LRRC45: variants seen among roughly 807,000 people sequenced by gnomAD.
LRRC45 encodes leucine-rich repeat-containing protein 45.
In LRRC45, 73 loss-of-function variants were observed where a neutral mutation model predicts 85.4. The observed-to-expected ratio is 0.85, with a 90% CI of 0.71 to 1.04. The LOEUF (loss-of-function observed/expected upper bound fraction) is 1.04, where lower values mean the gene tolerates loss of function less well. Among genes scored for constraint, LRRC45 ranks in the 50% least tolerant of loss-of-function variants. LRRC45 has a pLI of 0.00. For missense variants in LRRC45, 937 were observed against 883.3 expected (o/e 1.06, Z -0.77); for synonymous variants, 429 against 386.0 (o/e 1.11, Z -1.31).
chr17:82,024,888 G>A (rs1374094328), intron 3 of LRRC45, 112 bp from the exon 4 acceptor site: 3 of 1,438,966 alleles, frequency 2.1e-6, no homozygotes, highest in Admixed American at 5.6e-5. Flanking sequence ...GTTGGCAGGG[G>A]TAGGCAGAGG....
intron 5 of LRRC45, 180 bp from the exon 6 acceptor site, chr17:82,026,719 C>T (rs2043371116): frequency 2.1e-6 from 1 of 465,480 alleles, no homozygotes. Flanking sequence ...CCTGGGATTA[C>T]AGGTGTGCGC....
intron 10 of LRRC45, 23 bp downstream of exon 10, chr17:82,028,334 G>A (rs2043386783): frequency 1.2e-6 from 2 of 1,603,106 alleles, no homozygotes; most frequent in Non-Finnish European, 1.7e-6. Context: ...GATGGAGCCA[G>A]GGAGCCCAGG....
At chr17:82,027,486 T>C (rs1253744192) in intron 7 of LRRC45, 42 bp downstream of exon 7, 1 of 1,611,532 alleles carries the variant, frequency 6.2e-7, no homozygotes, top group Non-Finnish European at 8.5e-7. Context: ...GCTTCAGGGA[T>C]CAGGTCCTGG....
chr17:82,030,533 G>T (rs2043409675), intron 16 of LRRC45, 67 bp downstream of exon 16: 9 of 1,510,474 alleles, frequency 6.0e-6, no homozygotes, highest in Non-Finnish European at 8.0e-6. Context: ...GAGCGGGGCT[G>T]GCCAGGTCTC....
In LRRC45 at chr17:82,023,560, G is replaced by A. The variant is rs989021914; in HGVS notation, c.-84G>A. ...GGCGGAGGCCCCGTCTCCTGTACCC[G>A]GCGCTGGGACTGCTCCGCACCGCGC... is the stretch of plus-strand genomic sequence containing the variant. On this transcript the variant is annotated 5_prime_UTR_variant, in exon 1 of 17. Coordinates refer to ENST00000306688, the MANE Select transcript of LRRC45 (RefSeq NM_144999.4). The A allele has an allele frequency of 7.9e-7, 1 of 1,271,730 alleles. No homozygotes were observed. Among genetic ancestry groups the A allele is most frequent in the Admixed American group, 2.9e-5 (1 of 34,856 alleles). 78.8% of individuals were successfully genotyped at this position (1,271,730 alleles called of 1,614,324 possible).
intron 7 of LRRC45, 69 bp from the exon 8 acceptor site, chr17:82,027,605 C>T (rs185707563): frequency 1.1e-5 from 17 of 1,549,288 alleles, no homozygotes; most frequent in Middle Eastern, 1.7e-4. Context: ...CAGCAGCTAC[C>T]GAGGCCAGAG....
chr17:82,030,609 T>G lies in LRRC45; in HGVS notation c.1817T>G (p.Val606Gly). The change falls in exon 17 of 17, where the codon GTG (valine) becomes GGG (glycine). Residue 606 changes from valine (V) to glycine (G), a missense_variant and splice_region_variant. Val to Gly is a moderately radical substitution (Grantham distance 109). Coordinates refer to ENST00000306688, the MANE Select transcript of LRRC45 (RefSeq NM_144999.4). ...KAAALERQLK[V>G]MASDHREALL... ...GCTCACTGCGCTCCTTGCCCTGCAGTGATGGCGAGCGACCACCGAGAGGCG... is the reference window on the plus strand; with the variant it reads ...GCTCACTGCGCTCCTTGCCCTGCAGGGATGGCGAGCGACCACCGAGAGGCG... 1 of 1,291,712 alleles carries G rather than the reference T, an allele frequency of 7.7e-7. No individual in the cohort carries two copies. The highest frequency in any genetic ancestry group is 9.7e-7 in the Non-Finnish European group (1 of 1,027,250). 80.0% of individuals were successfully genotyped at this position (1,291,712 alleles called of 1,614,324 possible).
chr17:82,029,132 G>A lies in LRRC45; in HGVS notation c.1348G>A (p.Ala450Thr). The change falls in exon 13 of 17, where the codon GCC becomes ACC. Residue 450 changes from alanine to threonine, a missense_variant. Coordinates refer to ENST00000306688, the MANE Select transcript of LRRC45 (RefSeq NM_144999.4). ...CCGTCACCTGGAGGAGAGTGAGAAGGCCATGCAGGAGCGGGTGCAGAGGCT... is the reference window on the plus strand; with the variant it reads ...CCGTCACCTGGAGGAGAGTGAGAAGACCATGCAGGAGCGGGTGCAGAGGCT... ...MTRHLEESEK[A>T]MQERVQRLEA... The A allele has an allele frequency of 2.5e-6, 4 of 1,612,698 alleles. No homozygotes were observed. Among genetic ancestry groups the A allele is most frequent in the East Asian group, 2.2e-5 (1 of 44,876 alleles).
In LRRC45 at chr17:82,030,391, G is replaced by C; in HGVS notation, c.1741G>C (p.Gly581Arg). The part of the protein sequence containing the change: ...RVRVELQEQN[G>R]RLQAELAAQE... The stretch of plus-strand genomic sequence containing the variant: ...GCGCGTGGAGCTGCAGGAGCAGAAC[G>C]GCCGGCTGCAGGCGGAGCTGGCGGC... Residue 581 changes from glycine (G) to arginine (R), a missense_variant, in exon 16 of 17, where the codon GGC (glycine) becomes CGC (arginine). Coordinates refer to ENST00000306688, the MANE Select transcript of LRRC45 (RefSeq NM_144999.4). 6.5e-7 allele frequency: 1 copy of C among 1,549,934 alleles called. No homozygotes were observed. Among genetic ancestry groups the C allele is most frequent in the African/African-American group, 1.4e-5 (1 of 73,234 alleles).
intron 12 of LRRC45, 66 bp downstream of exon 12, chr17:82,028,749 A>C: frequency 6.6e-7 from 1 of 1,511,846 alleles, no homozygotes; most frequent in Non-Finnish European, 9.0e-7. Context: ...GGTGTCCCCA[A>C]AGCACACACC....
rs756395294 is a variant in LRRC45 at position 82,026,879 on chromosome 17, T to C, written c.662-20T>C. On this transcript the variant is annotated intron_variant, in intron 5 of 16. Coordinates refer to ENST00000306688, the MANE Select transcript of LRRC45 (RefSeq NM_144999.4). ...CCAGGCATGAGCCCCTGTGCCCAGC[T>C]GACACAGCTCCTTCTGCAGAGCAAG... is the stretch of plus-strand genomic sequence containing the variant. 6.3e-7 allele frequency: 1 copy of C among 1,582,824 alleles called. No individual in the cohort carries two copies. Among genetic ancestry groups the C allele is most frequent in the Non-Finnish European group, 8.6e-7 (1 of 1,166,694 alleles).
chr17:82,025,022 C>CT lies in LRRC45; in HGVS notation c.377dup (p.Thr128HisfsTer56). On this transcript the variant is annotated frameshift_variant, in exon 4 of 17. Transcript: ENST00000306688. LOFTEE classifies it high-confidence loss of function. ...CAGCCTCACGCTGGAGTGGAACAGC[C>CT]TGGGCACGTGGGACGATGCCTTCGC... 6.3e-7 allele frequency: 1 copy of CT among 1,597,990 alleles called. No homozygotes were observed. Among genetic ancestry groups the CT allele is most frequent in the Non-Finnish European group, 8.5e-7 (1 of 1,172,640 alleles).
Position 82,028,448 on chromosome 17 carries a change from A to G in LRRC45, c.1177A>G (p.Thr393Ala), listed in dbSNP as rs1475906819. The change falls in exon 11 of 17, where the codon ACC becomes GCC. Residue 393 changes from threonine to alanine, a missense_variant. Thr to Ala is a moderately conservative substitution (Grantham distance 58). Coordinates refer to ENST00000306688, the MANE Select transcript of LRRC45 (RefSeq NM_144999.4). The stretch of plus-strand genomic sequence containing the variant: ...GTGTCAGCAGGAGCAGCTGTTCCAG[A>G]CCAGGCAGGAGATGACCAGCATGTC... ...FRCQQEQLFQ[T>A]RQEMTSMSAE... 1.6e-5 allele frequency: 25 copies of G among 1,612,680 alleles called. No homozygotes were observed. Among genetic ancestry groups the G allele is most frequent in the Non-Finnish European group, 2.1e-5 (25 of 1,179,940 alleles).
rs191536932 is a variant in LRRC45 at position 82,026,989 on chromosome 17, T to C, written c.752T>C (p.Leu251Pro). Residue 251 changes from leucine (L) to proline (P), a missense_variant, in exon 6 of 17, where the codon CTC becomes CCC. Coordinates refer to ENST00000306688, the MANE Select transcript of LRRC45 (RefSeq NM_144999.4). ...GTCCTCAGCAAGGAGGTCCAGCACC[T>C]CCGGGAGGAGAAGTCCAAGCAGGTG... is the stretch of plus-strand genomic sequence containing the variant. ...THVLSKEVQH[L>P]REEKSKQFLD... 4 of 1,603,254 alleles carry C rather than the reference T, an allele frequency of 2.5e-6. No homozygotes were observed. The highest frequency in any genetic ancestry group is 1.7e-5 in the Admixed American group (1 of 58,586).
At chr17:82,027,877 C>A in intron 8 of LRRC45, 126 bp downstream of exon 8, 1 of 1,506,152 alleles carries the variant, frequency 6.6e-7, no homozygotes, top group South Asian at 1.2e-5. Flanking sequence ...GGGGCAGTAA[C>A]CCAGAAGCCT....
At chr17:82,028,929 G>C (rs2144147715) in intron 12 of LRRC45, 164 bp from the exon 13 acceptor site, 1 of 725,688 alleles carries the variant, frequency 1.4e-6, no homozygotes, top group East Asian at 2.7e-5. Context: ...CTCGTTCAGG[G>C]TGTGCATGCT....
chr17:82,023,829 G>A lies in LRRC45; in HGVS notation c.186G>A (p.Glu62=). The A allele has an allele frequency of 6.4e-7, 1 of 1,567,758 alleles. No homozygotes were observed. Among genetic ancestry groups the A allele is most frequent in the Non-Finnish European group, 8.6e-7 (1 of 1,158,458 alleles). The change falls in exon 1 of 17, where the codon GAG becomes GAA. Residue 62 remains glutamate (E), a synonymous_variant. Coordinates refer to ENST00000306688, the MANE Select transcript of LRRC45 (RefSeq NM_144999.4). ...KLLPRETLCT[E]LVLSDCMLSE... ...TGCCGAGGGAGACGCTGTGCACGGA[G>A]CTGGTCCTGAGTGACTGCATGCTCA...
rs889795250 is a variant in LRRC45 at position 82,027,455 on chromosome 17, C to A, written c.833+11C>A. On this transcript the variant is annotated intron_variant, in intron 7 of 16. Coordinates refer to ENST00000306688, the MANE Select transcript of LRRC45 (RefSeq NM_144999.4). ...GGCCAAGAGCAGCAGGTGAGCGGGC[C>A]CAGGGCAGGGGCAGGGTGAGGCTTC... The A allele has an allele frequency of 5.0e-6, 8 of 1,612,586 alleles. No homozygotes were observed. The highest frequency in any genetic ancestry group is 6.8e-6 in the Non-Finnish European group (8 of 1,179,910).
At position 82,031,020 on chromosome 17, in the gene LRRC45, C is replaced by T. The variant is rs1323599085; in HGVS notation, c.*215C>T. 2.5e-6 allele frequency: 1 copy of T among 398,628 alleles called. No homozygotes were observed. Among genetic ancestry groups the T allele is most frequent in the Non-Finnish European group, 4.4e-6 (1 of 227,438 alleles). The allele number at this position is 398,628 out of a possible 1,614,324, so 24.7% of individuals were successfully genotyped here. On this transcript the variant is annotated 3_prime_UTR_variant, in exon 17 of 17. Coordinates refer to ENST00000306688, the MANE Select transcript of LRRC45 (RefSeq NM_144999.4). ...ACCGGCCCCTTCTTCCCGGTCGACG[C>T]CACGTGGGAGCACACCGGGAAGGGG...
Sources: gnomAD v4.1 joint callset for allele counts on GRCh38, gnomAD v4.1.1 for gene constraint, MANE v1.5 for transcripts, NCBI Gene and HGNC (gene_info 2026-07-23, HGNC 2026-07-21) for gene names.